Variants in GAPDHS observed in about 807,000 individuals in gnomAD.
GAPDHS encodes glyceraldehyde-3-phosphate dehydrogenase, testis-specific.
In GAPDHS, 42 loss-of-function variants were observed where a neutral mutation model predicts 48.7. The ratio of observed to expected loss-of-function variants is 0.86; its 90% confidence interval spans 0.67 to 1.12. The LOEUF is 1.12. GAPDHS is among the 50% of genes most tolerant of loss of function. GAPDHS has a pLI of 0.00. For missense variants in GAPDHS, 512 were observed against 557.7 expected (o/e 0.92, Z 0.82); for synonymous variants, 166 against 219.1 (o/e 0.76, Z 2.14).
chr19:35,542,971 T>C lies in GAPDHS; in HGVS notation c.686T>C (p.Leu229Ser). 1 of 1,614,150 alleles carries C rather than the reference T, an allele frequency of 6.2e-7. No homozygotes were observed. Among genetic ancestry groups the C allele is most frequent in the Non-Finnish European group, 8.5e-7 (1 of 1,179,980 alleles). ...VSNASCTTNC[L>S]APLAKVIHER... is the part of the protein sequence containing the mutation. ...AACGCGTCCTGCACCACCAACTGTT[T>C]GGCTCCCCTCGCCAAAGTCATCCAC... The change falls in exon 7 of 11, where the codon TTG becomes TCG. Residue 229 changes from leucine (L) to serine (S), a missense_variant. By Grantham distance (145) the Leu-to-Ser change is moderately radical (BLOSUM62 -2). Transcript: ENST00000222286.
intron 9 of GAPDHS, 50 bp downstream of exon 9, chr19:35,543,877 A>G (rs2071524881): frequency 1.3e-6 from 2 of 1,513,494 alleles, no homozygotes; most frequent in Admixed American, 2.3e-5. Flanking sequence ...GGGAAGGGAC[A>G]TGATTTCCAC....
intron 4 of GAPDHS, among the ~76,000 whole-genome samples, chr19:35,540,401 A>G (rs933624618): frequency 1.3e-5 from 2 of 152,260 alleles, no homozygotes; most frequent in Non-Finnish European, 2.9e-5. Flanking sequence ...CTGGGGGCAC[A>G]GTCTTTGCCT....
chr19:35,538,151 G>A (rs2071477901), intron 2 of GAPDHS, among the ~76,000 whole-genome samples, 156 bp from the exon 3 acceptor site: 2 of 152,026 alleles, frequency 1.3e-5, no homozygotes, highest in South Asian at 4.2e-4. Context: ...GCAGTTAAAG[G>A]GGCTGGTGAG....
rs200603471 is a variant in GAPDHS, at chr19:35,534,191, GCGCA to G, written c.67+599_67+602del. 4.3e-3 allele frequency among the ~76,000 whole-genome samples: 649 copies of G among 151,904 alleles called. 4 individuals are homozygous for G. Among genetic ancestry groups the G allele is most frequent in the Middle Eastern group, 0.01 (3 of 290 alleles). On this transcript the variant is annotated intron_variant, in intron 1 of 10. Coordinates refer to ENST00000222286, the MANE Select transcript of GAPDHS (RefSeq NM_014364.5). ...CAACAAGGGCGGCGCGCCCGCGCGC[GCGCA>G]CACACACACACACACACTCACTCAC...
intron 3 of GAPDHS, 35 bp from the exon 4 acceptor site, chr19:35,538,542 C>T (rs755047528): frequency 1.4e-6 from 2 of 1,394,192 alleles, no homozygotes; most frequent in East Asian, 4.6e-5. Context: ...CTCACCCTGC[C>T]ACCCCAAGAC....
rs568733766 is a variant in GAPDHS at position 35,545,224 on chromosome 19, C to G, written c.*54C>G. The G allele has an allele frequency of 9.6e-5, 140 of 1,459,240 alleles. No individual in the cohort carries two copies. The African/African-American group carries it at 1.8e-3, about 19-fold the overall frequency. 90.4% of individuals were successfully genotyped at this position (1,459,240 alleles called of 1,614,324 possible). ...GGGGCCGGGGCCGGAACATGTGCCT[C>G]CCGTTCCAGCATCTGGCTGCCCGGG... On this transcript the variant is annotated 3_prime_UTR_variant, in exon 11 of 11. Transcript: ENST00000222286.
chr19:35,542,645 G>A (rs1372361199), intron 6 of GAPDHS, 37 bp downstream of exon 6: 2 of 1,400,616 alleles, frequency 1.4e-6, no homozygotes, highest in African/African-American at 1.4e-5. Context: ...TGTGTGGAAG[G>A]GAGGGTAGAC....
At chr19:35,536,698 TA>T in intron 1 of GAPDHS, 114 bp from the exon 2 acceptor site, 1 of 807,464 alleles carries the variant, frequency 1.2e-6, no homozygotes, top group Non-Finnish European at 2.0e-6. Flanking sequence ...AACACTGGGC[TA>T]AATGGTTGGT....
chr19:35,537,093 C>G, intron 2 of GAPDHS, 103 bp downstream of exon 2: 9 of 978,206 alleles, frequency 9.2e-6, no homozygotes, highest in Non-Finnish European at 1.4e-5. Context: ...TCAATGCTTT[C>G]GTTCCGACGA....
rs1414885611 is a variant in GAPDHS, at chr19:35,545,225, C to T, written c.*55C>T. On this transcript the variant is annotated 3_prime_UTR_variant, in exon 11 of 11. Coordinates refer to ENST00000222286, the MANE Select transcript of GAPDHS (RefSeq NM_014364.5). ...GGGCCGGGGCCGGAACATGTGCCTC[C>T]CGTTCCAGCATCTGGCTGCCCGGGG... The T allele has an allele frequency of 6.9e-7, 1 of 1,456,170 alleles. No homozygotes were observed. Among genetic ancestry groups the T allele is most frequent in the African/African-American group, 1.4e-5 (1 of 71,830 alleles). 90.2% of individuals were successfully genotyped at this position (1,456,170 alleles called of 1,614,324 possible).
At chr19:35,538,085 A>G (rs200594936) in intron 2 of GAPDHS, among the ~76,000 whole-genome samples, 1,686 of 152,058 alleles carry the variant, frequency 0.011, 14 homozygotes, top group Non-Finnish European at 0.015. Context: ...CAAAATATAT[A>G]TATATATATA....
intron 9 of GAPDHS, 87 bp downstream of exon 9, chr19:35,543,914 C>T: frequency 6.9e-7 from 1 of 1,448,818 alleles, no homozygotes; most frequent in Admixed American, 2.7e-5. Flanking sequence ...CTCAATGTGC[C>T]AAGTCAGAAA....
intron 2 of GAPDHS, among the ~76,000 whole-genome samples, chr19:35,537,502 G>A (rs2071473521): frequency 6.6e-6 from 1 of 152,204 alleles, no homozygotes; most frequent in Non-Finnish European, 1.5e-5. Flanking sequence ...CCCGGAGGGG[G>A]CTGCTACACC....
At chr19:35,542,649 G>T in intron 6 of GAPDHS, 41 bp downstream of exon 6, 1 of 1,343,160 alleles carries the variant, frequency 7.4e-7, no homozygotes, top group South Asian at 1.2e-5. Flanking sequence ...TGGAAGGGAG[G>T]GTAGACTCGT....
rs1388143391 is a variant in GAPDHS at position 35,545,084 on chromosome 19, C to T, written c.1155-14C>T. On this transcript the variant is annotated splice_polypyrimidine_tract_variant and intron_variant, in intron 10 of 10. Coordinates refer to ENST00000222286, the MANE Select transcript of GAPDHS (RefSeq NM_014364.5). ...GAAGGAACCCCCTTGAACCTCCCGACCCCTCCTCCACAGGTACGACAACGA... is the reference window on the plus strand; with the variant it reads ...GAAGGAACCCCCTTGAACCTCCCGATCCCTCCTCCACAGGTACGACAACGA... The T allele has an allele frequency of 3.1e-6, 5 of 1,613,280 alleles. No individual in the cohort carries two copies. The South Asian group carries it at 5.5e-5, about 18-fold the overall frequency.
At chr19:35,540,477 G>C (rs999913271) in intron 4 of GAPDHS, among the ~76,000 whole-genome samples, 15 of 152,182 alleles carry the variant, frequency 9.9e-5, no homozygotes, top group African/African-American at 3.6e-4. Context: ...CAGGAAATGG[G>C]GGGTATCTGA....
At position 35,542,545 on chromosome 19, in the gene GAPDHS, C is replaced by T; in HGVS notation, c.596C>T (p.Ala199Val). 2 of 1,614,030 alleles carry T rather than the reference C, an allele frequency of 1.2e-6. No individual in the cohort carries two copies. The highest frequency in any genetic ancestry group is 1.7e-5 in the Admixed American group (1 of 60,014). ...GTCATCTCCGCGCCCTCACCGGATG[C>T]ACCAATGTTCGTCATGGGTGTCAAT... ...RVVISAPSPD[A>V]PMFVMGVNEN... The change falls in exon 6 of 11, where the codon GCA becomes GTA. Residue 199 changes from alanine to valine, a missense_variant. Physicochemically the swap from Ala to Val is moderately conservative, Grantham distance 64. Transcript: ENST00000222286.
Position 35,543,668 on chromosome 19 carries a change from G to A in GAPDHS, c.897G>A (p.Lys299=), listed in dbSNP as rs1600134828. 6.2e-7 allele frequency: 1 copy of A among 1,613,620 alleles called. No individual in the cohort carries two copies. The highest frequency in any genetic ancestry group is 8.5e-7 in the Non-Finnish European group (1 of 1,179,754). The stretch of plus-strand genomic sequence containing the variant: ...TTCCTCATGGGGGATTCTCCAGGAA[G>A]CTGACAGGGATGGCGTTCCGGGTAC... ...VTKVIPELKG[K]LTGMAFRVPT... is the part of the protein sequence containing the mutation. Residue 299 remains lysine (K), a synonymous_variant, in exon 9 of 11, where the codon AAG becomes AAA. Transcript: ENST00000222286.
chr19:35,539,126 G>A (rs1453547831), intron 4 of GAPDHS, among the ~76,000 whole-genome samples: 5 of 152,066 alleles, frequency 3.3e-5, no homozygotes, highest in African/African-American at 1.2e-4. Flanking sequence ...CAAACTCCTG[G>A]CCCCAAGCAA....
Sources: gnomAD v4.1 joint callset for allele counts (sites outside exome capture counted in the v4.1 genomes callset) on GRCh38, gnomAD v4.1.1 for gene constraint, MANE v1.5 for transcripts, NCBI Gene and HGNC (gene_info 2026-07-23, HGNC 2026-07-21) for gene names.